ADAM22: variants seen among roughly 807,000 people sequenced by gnomAD.
The protein encoded by ADAM22 is disintegrin and metalloproteinase domain-containing protein 22.
A neutral mutation model predicts 144.6 loss-of-function variants in ADAM22; 65 were observed. That is an observed-to-expected ratio of 0.45 (90% confidence interval 0.37 to 0.55). The LOEUF (loss-of-function observed/expected upper bound fraction) is 0.55. Ranked by LOEUF, ADAM22 falls within the 20% of genes least tolerant of loss-of-function variation. The pLI, the probability that ADAM22 is intolerant of heterozygous loss-of-function variation, is 0.00. For synonymous variants in ADAM22, 391 were observed against 412.6 expected (o/e 0.95, Z 0.63); for missense variants, 974 against 1,184.9 (o/e 0.82, Z 2.61).
At chr7:88,034,235 A>G (rs1800971357) in intron 3 of ADAM22, among the ~76,000 whole-genome samples, 1 of 152,124 alleles carries the variant, frequency 6.6e-6, no homozygotes, top group African/African-American at 2.4e-5. Context: ...TCAGGGCCCA[A>G]AGGCTCTATA....
intron 3 of ADAM22, among the ~76,000 whole-genome samples, chr7:88,050,771 A>G (rs1451290819): frequency 6.6e-6 from 1 of 152,128 alleles, no homozygotes; most frequent in African/African-American, 2.4e-5. Flanking sequence ...CCTTTATCAG[A>G]TGGGTAGATT....
chr7:87,991,515 C>T (rs867055852), intron 3 of ADAM22, among the ~76,000 whole-genome samples: 177 of 151,764 alleles, frequency 1.2e-3, no homozygotes, highest in African/African-American at 4.0e-3. Flanking sequence ...TACAGGCGCC[C>T]GCCACCGCGC....
chr7:87,951,954 G>A (rs1296786898), intron 2 of ADAM22, among the ~76,000 whole-genome samples: 1 of 145,850 alleles, frequency 6.9e-6, no homozygotes, highest in Non-Finnish European at 1.5e-5. Flanking sequence ...TCTGTTATTG[G>A]TATATAAGAA....
intron 4 of ADAM22, among the ~76,000 whole-genome samples, chr7:88,080,566 T>C (rs1043282747): frequency 6.6e-6 from 1 of 152,150 alleles, no homozygotes; most frequent in African/African-American, 2.4e-5. Flanking sequence ...GAGCTGGTTT[T>C]TTTTAAAAGA....
chr7:87,965,820 T>C (rs1848924139), intron 2 of ADAM22, among the ~76,000 whole-genome samples: 2 of 152,328 alleles, frequency 1.3e-5, no homozygotes, highest in Non-Finnish European at 2.9e-5. Context: ...CCAGGAGAGA[T>C]TGTGACCCAG....
chr7:88,002,341 C>T (rs774008842), intron 3 of ADAM22, among the ~76,000 whole-genome samples: 6 of 152,086 alleles, frequency 3.9e-5, no homozygotes, highest in Non-Finnish European at 8.8e-5. Flanking sequence ...GAATCACAGG[C>T]CCATTCCTGT....
At chr7:88,049,100 A>G (rs1805476628) in intron 3 of ADAM22, among the ~76,000 whole-genome samples, 1 of 152,164 alleles carries the variant, frequency 6.6e-6, no homozygotes, top group South Asian at 2.1e-4. Flanking sequence ...GTGTGAAGTA[A>G]GGCTCCATCT....
intron 3 of ADAM22, among the ~76,000 whole-genome samples, chr7:88,029,010 G>A (rs1799647204): frequency 6.6e-6 from 1 of 151,832 alleles, no homozygotes; most frequent in South Asian, 2.1e-4. Flanking sequence ...TGGATACATA[G>A]TCAGTATATA....
intron 14 of ADAM22, among the ~76,000 whole-genome samples, chr7:88,136,620 C>CT: frequency 6.6e-6 from 1 of 151,982 alleles, no homozygotes; most frequent in East Asian, 2.0e-4. Flanking sequence ...ACAGTTATTC[C>CT]TTTTATTCCA....
chr7:88,116,673 C>T, intron 6 of ADAM22, 72 bp from the exon 7 acceptor site: 1 of 1,291,362 alleles, frequency 7.7e-7, no homozygotes, highest in South Asian at 1.2e-5. Flanking sequence ...TAAGGGTCTC[C>T]AGCTATGTTT....
chr7:88,177,981 AG>A (rs1395924063), intron 26 of ADAM22, among the ~76,000 whole-genome samples: 5 of 152,174 alleles, frequency 3.3e-5, no homozygotes, highest in Admixed American at 2.0e-4. Flanking sequence ...ATCAAGTTTT[AG>A]GTGCAGTTGG....
At chr7:88,125,747 G>T (rs565220456) in intron 8 of ADAM22, 88 bp downstream of exon 8, 12 of 1,094,202 alleles carry the variant, frequency 1.1e-5, no homozygotes, top group Non-Finnish European at 1.6e-5. Flanking sequence ...GTGTGAGAGG[G>T]TGAGTATTAG....
At chr7:88,018,752 G>A (rs1007623040) in intron 3 of ADAM22, among the ~76,000 whole-genome samples, 1 of 152,130 alleles carries the variant, frequency 6.6e-6, no homozygotes, top group Non-Finnish European at 1.5e-5. Flanking sequence ...GAAAATCCCT[G>A]GAGATCAAAT....
intron 26 of ADAM22, among the ~76,000 whole-genome samples, chr7:88,174,307 C>T (rs779421611): frequency 6.6e-6 from 1 of 151,990 alleles, no homozygotes; most frequent in African/African-American, 2.4e-5. Flanking sequence ...AGAAAGAAAC[C>T]GGAAGCTCCA....
At chr7:88,098,339 C>A (rs575705243) in intron 4 of ADAM22, among the ~76,000 whole-genome samples, 6 of 152,150 alleles carry the variant, frequency 3.9e-5, no homozygotes, top group Admixed American at 2.6e-4. Context: ...ACCACTGAAC[C>A]AAGCTTCTTA....
intron 3 of ADAM22, among the ~76,000 whole-genome samples, chr7:88,027,646 AAC>A (rs898046600): frequency 6.6e-6 from 1 of 152,172 alleles, no homozygotes; most frequent in African/African-American, 2.4e-5. Flanking sequence ...TTCAGAAAAA[AAC>A]ACCTTTTGTT....
At chr7:88,165,300 A>T (rs1217472222) in intron 23 of ADAM22, among the ~76,000 whole-genome samples, 1 of 152,136 alleles carries the variant, frequency 6.6e-6, no homozygotes, top group Admixed American at 6.6e-5. Context: ...TGACCCTGAC[A>T]TAGCTAGTAT....
intron 14 of ADAM22, among the ~76,000 whole-genome samples, chr7:88,136,766 A>G (rs1361404696): frequency 1.3e-5 from 2 of 152,114 alleles, no homozygotes; most frequent in East Asian, 1.9e-4. Context: ...AAACGCCACT[A>G]AAGAACTTAC....
intron 30 of ADAM22, among the ~76,000 whole-genome samples, chr7:88,192,139 T>C (rs1463502154): frequency 6.6e-6 from 1 of 152,134 alleles, no homozygotes; most frequent in Non-Finnish European, 1.5e-5. Flanking sequence ...GCAGATGAGG[T>C]ACATTCTACT....
Sources: allele counts gnomAD v4.1 joint callset (sites outside exome capture counted in the v4.1 genomes callset), GRCh38; gene constraint gnomAD v4.1.1; transcripts MANE v1.5; gene names NCBI Gene and HGNC (gene_info 2026-07-23, HGNC 2026-07-21).